The following CSMD1 variants were observed in gnomAD, a reference collection of about 807,000 sequenced individuals.
The protein encoded by CSMD1 is CUB and sushi domain-containing protein 1.
In CSMD1, 213 loss-of-function variants were observed where a neutral mutation model predicts 417.5. The observed-to-expected ratio is 0.51, with a 90% CI of 0.46 to 0.57. CSMD1 has a LOEUF of 0.57. Among genes scored for constraint, CSMD1 ranks in the 20% least tolerant of loss-of-function variants. The probability of loss-of-function intolerance (pLI) is 0.00; values close to 1 mark genes in which losing one functional copy is unlikely to be tolerated. For missense variants in CSMD1, 6,923 were observed against 4,529.7 expected (o/e 1.53, Z -15.17); for synonymous variants, 2,862 against 1,736.8 (o/e 1.65, Z -16.11).
intron 17 of CSMD1, among the ~76,000 whole-genome samples, chr8:3,395,730 C>T (rs1286086638): frequency 3.9e-5 from 6 of 152,212 alleles, no homozygotes; most frequent in African/African-American, 1.4e-4. Flanking sequence ...CTCTTGTTAC[C>T]TGACTTTCAC....
intron 33 of CSMD1, among the ~76,000 whole-genome samples, chr8:3,193,814 G>T (rs564198487): frequency 6.6e-6 from 1 of 152,220 alleles, no homozygotes; most frequent in South Asian, 2.1e-4. Flanking sequence ...CTCATCTGTC[G>T]GGAAAAGCCG....
chr8:3,944,644 G>T (rs564080823), intron 5 of CSMD1, among the ~76,000 whole-genome samples: 1 of 152,042 alleles, frequency 6.6e-6, no homozygotes, highest in African/African-American at 2.4e-5. Context: ...CTTTATAACT[G>T]GTGGATTCAT....
At chr8:4,336,777 C>A (rs1204182295) in intron 3 of CSMD1, among the ~76,000 whole-genome samples, 1 of 152,028 alleles carries the variant, frequency 6.6e-6, no homozygotes, top group Non-Finnish European at 1.5e-5. Context: ...AAGCTGGGCC[C>A]AGAGGGAGAT....
intron 8 of CSMD1, 143 bp downstream of exon 8, chr8:3,616,567 T>A: frequency 1.6e-6 from 1 of 609,592 alleles, no homozygotes; most frequent in South Asian, 2.1e-5. Flanking sequence ...GAAGACAAAT[T>A]GTGATTACAC....
At chr8:3,620,032 G>A (rs1466517932) in intron 7 of CSMD1, among the ~76,000 whole-genome samples, 1 of 152,236 alleles carries the variant, frequency 6.6e-6, no homozygotes, top group East Asian at 1.9e-4. Context: ...AACCTGGGAG[G>A]CAGATGTTGC....
chr8:4,354,865 AGTGTGTGTGTGTGTGTGTGTGTGT>A (rs59255397), intron 3 of CSMD1, among the ~76,000 whole-genome samples: 249 of 129,504 alleles, frequency 1.9e-3, no homozygotes, highest in Non-Finnish European at 3.1e-3. Context: ...AGGAAAATGT[AGTGTGTGTGTGTGTGTGTGTGTGT>A]GTGTGTGTGT....
In CSMD1 at chr8:3,507,655, T is replaced by C. The variant is rs893125404; in HGVS notation, c.1345-13929A>G. Among the ~76,000 whole-genome samples the C allele has an allele frequency of 2.0e-5, 3 of 152,298 alleles. No individual in the cohort carries two copies. In the South Asian group the frequency reaches 6.2e-4, roughly 32 times the overall value. On this transcript the variant is annotated intron_variant, in intron 10 of 69. Coordinates refer to ENST00000635120, the MANE Select transcript of CSMD1 (RefSeq NM_033225.6). ...AAGTGTTCCTATCTCTCCACATCCTTTTCAGCACCTGTTGTTTCCTGACTT... is the reference window on the plus strand; with the variant it reads ...AAGTGTTCCTATCTCTCCACATCCTCTTCAGCACCTGTTGTTTCCTGACTT...
intron 1 of CSMD1, among the ~76,000 whole-genome samples, chr8:4,855,494 G>A (rs1010051082): frequency 6.6e-6 from 1 of 152,006 alleles, no homozygotes. Context: ...CAAACGAAAG[G>A]CAAAGAAGTT....
At chr8:3,982,190 T>TA (rs201916271) in intron 5 of CSMD1, among the ~76,000 whole-genome samples, 50,001 of 122,576 alleles carry the variant, frequency 0.41, 9,110 homozygotes, top group Middle Eastern at 0.46. Context: ...ATAATAATAA[T>TA]ATTAATAAAA....
intron 3 of CSMD1, among the ~76,000 whole-genome samples, chr8:4,367,865 G>C (rs576901218): frequency 2.0e-5 from 3 of 152,110 alleles, no homozygotes; most frequent in Non-Finnish European, 4.4e-5. Flanking sequence ...AGCTTCGATA[G>C]GGTATAGAAA....
intron 3 of CSMD1, among the ~76,000 whole-genome samples, chr8:4,278,400 T>G (rs191174825): frequency 4.7e-4 from 71 of 152,290 alleles, no homozygotes; most frequent in African/African-American, 1.7e-3. Flanking sequence ...AGAATATGAA[T>G]ACATATTGAG....
chr8:3,519,860 T>C lies in CSMD1; in HGVS notation c.1345-26134A>G, dbSNP rs533743284. Among the ~76,000 whole-genome samples, 9 of 152,238 alleles carry C rather than the reference T, an allele frequency of 5.9e-5. No homozygotes were observed. The South Asian group carries it at 1.2e-3, about 21-fold the overall frequency. On this transcript the variant is annotated intron_variant, in intron 10 of 69. Transcript: ENST00000635120. The stretch of plus-strand genomic sequence containing the variant: ...ATCAACCATCCCATCAACCTCCCAC[T>C]AAAATAGCAATTATTTTACTCAATT...
chr8:4,447,860 G>A (rs928582392), intron 2 of CSMD1, among the ~76,000 whole-genome samples: 3 of 152,208 alleles, frequency 2.0e-5, no homozygotes, highest in African/African-American at 7.2e-5. Context: ...AAAAGTGTAA[G>A]TAGAGGAGGC....
intron 1 of CSMD1, among the ~76,000 whole-genome samples, chr8:4,782,315 A>C (rs1358184514): frequency 2.6e-5 from 4 of 152,210 alleles, no homozygotes; most frequent in African/African-American, 4.8e-5. Context: ...AGTTACCTTG[A>C]TTTGATCATA....
At chr8:3,345,381 G>A (rs185528780) in intron 22 of CSMD1, among the ~76,000 whole-genome samples, 1 of 151,858 alleles carries the variant, frequency 6.6e-6, no homozygotes, top group African/African-American at 2.4e-5. Context: ...ATCAGCACTG[G>A]GTCCAACCAC....
intron 2 of CSMD1, among the ~76,000 whole-genome samples, chr8:4,465,659 G>C (rs546465713): frequency 6.6e-6 from 1 of 152,108 alleles, no homozygotes; most frequent in Admixed American, 6.5e-5. Context: ...CCCAAGTACT[G>C]GAGAGATGAA....
chr8:3,262,903 C>T (rs181410001), intron 26 of CSMD1, among the ~76,000 whole-genome samples: 4 of 152,232 alleles, frequency 2.6e-5, no homozygotes, highest in African/African-American at 9.6e-5. Context: ...ATGTGAACTT[C>T]ATTGCAAGAG....
chr8:4,920,851 GAAAAGAA>G (rs1563768320), intron 1 of CSMD1, among the ~76,000 whole-genome samples: 2,018 of 61,896 alleles, frequency 0.033, 444 homozygotes, highest in Non-Finnish European at 0.037. Flanking sequence ...CGAAAGAAAA[GAAAAGAA>G]AAGAAAAGAA....
chr8:3,526,250 T>C (rs1429371762), intron 10 of CSMD1, among the ~76,000 whole-genome samples: 1 of 152,092 alleles, frequency 6.6e-6, no homozygotes, highest in Non-Finnish European at 1.5e-5. Context: ...AGAATATAAA[T>C]TGTCTTAAAA....
Sources: gnomAD v4.1 joint callset for allele counts (sites outside exome capture counted in the v4.1 genomes callset) on GRCh38, gnomAD v4.1.1 for gene constraint, MANE v1.5 for transcripts, NCBI Gene and HGNC (gene_info 2026-07-23, HGNC 2026-07-21) for gene names.